Variants in MTARC2 observed in about 807,000 individuals in gnomAD.
MTARC2 encodes MOCO sulphurase C-terminal domain containing 2.
Under a neutral mutation model 35.6 loss-of-function variants are expected in MTARC2, and 27 were observed. That is an observed-to-expected ratio of 0.76 (90% CI 0.56 to 1.04). MTARC2 has a LOEUF of 1.04. Ranked by LOEUF, MTARC2 falls within the 50% of genes least tolerant of loss-of-function variation. MTARC2 has a pLI of 0.00. For synonymous variants in MTARC2, 158 were observed against 167.1 expected (o/e 0.95, Z 0.42); for missense variants, 412 against 432.5 (o/e 0.95, Z 0.42).
rs1329062724 is a variant in MTARC2 at position 220,771,125 on chromosome 1, C to T, written c.750+8075C>T. Among the ~76,000 whole-genome samples the T allele has an allele frequency of 3.3e-5, 5 of 152,006 alleles. No individual in the cohort carries two copies. The East Asian group carries it at 7.7e-4, about 24-fold the overall frequency. On this transcript the variant is annotated intron_variant, in intron 4 of 7. Transcript: ENST00000366913. The stretch of plus-strand genomic sequence containing the variant: ...ACCAGCCTGACCACTATGGTGAAAC[C>T]CCATCTCTATTAAAAATACGAAAAT...
At chr1:220,753,945 G>A (rs1671205917) in intron 1 of MTARC2, among the ~76,000 whole-genome samples, 1 of 152,110 alleles carries the variant, frequency 6.6e-6, no homozygotes, top group Non-Finnish European at 1.5e-5. Flanking sequence ...AGCTACCCGG[G>A]AGGCTAAGGC....
rs1331644355 is a variant in MTARC2, at chr1:220,784,150, AT to A, written c.*264del. 2.1e-6 allele frequency: 1 copy of A among 485,336 alleles called. No homozygotes were observed. Among genetic ancestry groups the A allele is most frequent in the African/African-American group, 2.0e-5 (1 of 51,164 alleles). The allele number at this position is 485,336 out of a possible 1,614,324, so 30.1% of individuals were successfully genotyped here. On this transcript the variant is annotated 3_prime_UTR_variant, in exon 8 of 8. Transcript: ENST00000366913. ...GAAGGCTTTAAAAATAATTAAGATC[AT>A]CAAAAATGCTATTTTGAATGTTATC...
chr1:220,780,086 A>G lies in MTARC2; in HGVS notation c.812+7A>G. Reference sequence around the variant, plus strand: ...AGGTAATGGCATGCCCCAGGTAAGGAGCCTAGCTAGACCCCAGGACTGTGG... The same window carrying G: ...AGGTAATGGCATGCCCCAGGTAAGGGGCCTAGCTAGACCCCAGGACTGTGG... On this transcript the variant is annotated splice_region_variant and intron_variant, in intron 5 of 7. Transcript: ENST00000366913. 1 of 1,563,538 alleles carries G rather than the reference A, an allele frequency of 6.4e-7. No individual in the cohort carries two copies. Among genetic ancestry groups the G allele is most frequent in the East Asian group, 2.4e-5 (1 of 41,916 alleles).
In MTARC2 at chr1:220,748,391, G is replaced by A. The variant is rs1026371891; in HGVS notation, c.-141G>A. ...TCCGCGGAACTGCTCTGCCGTCTCGGCGGTGAAAGTGTGAGAGGGTCCGTA... is the reference window on the plus strand; with the variant it reads ...TCCGCGGAACTGCTCTGCCGTCTCGACGGTGAAAGTGTGAGAGGGTCCGTA... On this transcript the variant is annotated 5_prime_UTR_variant, in exon 1 of 8. Transcript: ENST00000366913. The A allele has an allele frequency of 7.1e-6, 6 of 843,644 alleles. No homozygotes were observed. The Admixed American group carries it at 2.6e-4, about 37-fold the overall frequency. The allele number at this position is 843,644 out of a possible 1,614,324, so 52.3% of individuals were successfully genotyped here. A position where few individuals can be genotyped will look rare whatever the true frequency, so the allele number is the denominator to read the frequency against.
At chr1:220,762,617 T>C (rs1446819032) in intron 3 of MTARC2, among the ~76,000 whole-genome samples, 1 of 152,066 alleles carries the variant, frequency 6.6e-6, no homozygotes, top group East Asian at 1.9e-4. Context: ...TGTTTGAGGA[T>C]GATGGGGGAA....
At chr1:220,778,329 C>T (rs1476921501) in intron 4 of MTARC2, among the ~76,000 whole-genome samples, 2 of 151,842 alleles carry the variant, frequency 1.3e-5, no homozygotes, top group Non-Finnish European at 2.9e-5. Context: ...ATAGCGGCTT[C>T]TGCTTCTGGG....
intron 7 of MTARC2, among the ~76,000 whole-genome samples, chr1:220,783,013 T>A (rs1558078592): frequency 1.3e-5 from 2 of 152,318 alleles, no homozygotes; most frequent in East Asian, 3.9e-4. Flanking sequence ...CCATAGTGGG[T>A]ATAAAGATGA....
intron 1 of MTARC2, among the ~76,000 whole-genome samples, chr1:220,753,024 C>T (rs1458781733): frequency 7.0e-6 from 1 of 142,872 alleles, no homozygotes; most frequent in Non-Finnish European, 1.5e-5. Flanking sequence ...ACCATCCTGG[C>T]TAACACGGTG....
At chr1:220,782,657 C>G (rs1229751129) in intron 7 of MTARC2, among the ~76,000 whole-genome samples, 1 of 152,216 alleles carries the variant, frequency 6.6e-6, no homozygotes, top group Non-Finnish European at 1.5e-5. Flanking sequence ...TGATTCTGGC[C>G]TGAGCTTCTC....
intron 1 of MTARC2, among the ~76,000 whole-genome samples, chr1:220,753,425 G>A (rs1485909975): frequency 2.6e-5 from 4 of 152,124 alleles, no homozygotes; most frequent in South Asian, 2.1e-4. Context: ...GTGTGGTTGC[G>A]GGGAAGGGAC....
chr1:220,748,363 C>T lies in MTARC2; in HGVS notation c.-169C>T. On this transcript the variant is annotated 5_prime_UTR_variant, in exon 1 of 8. Transcript: ENST00000366913. ...TGGTCACCGCATTAAGGCATTCCCG[C>T]TCTCCGCGGAACTGCTCTGCCGTCT... 1 of 646,100 alleles carries T rather than the reference C, an allele frequency of 1.5e-6. No homozygotes were observed. The highest frequency in any genetic ancestry group is 2.2e-6 in the Non-Finnish European group (1 of 446,638). The allele number at this position is 646,100 out of a possible 1,614,324, so 40.0% of individuals were successfully genotyped here.
intron 2 of MTARC2, among the ~76,000 whole-genome samples, chr1:220,757,182 A>G (rs1440264538): frequency 6.6e-6 from 1 of 152,230 alleles, no homozygotes; most frequent in Non-Finnish European, 1.5e-5. Flanking sequence ...GATTGCAGGC[A>G]TGAGCCACCG....
intron 3 of MTARC2, among the ~76,000 whole-genome samples, chr1:220,762,515 G>A (rs1024567574): frequency 3.9e-5 from 6 of 152,216 alleles, no homozygotes; most frequent in African/African-American, 1.4e-4. Flanking sequence ...CTAGAACAGT[G>A]CCTGGTAGGT....
At chr1:220,769,934 C>CAAAAAAAAAAAAAAAAAAAAAAAAAAAA (rs57739324) in intron 4 of MTARC2, among the ~76,000 whole-genome samples, 2 of 63,420 alleles carry the variant, frequency 3.2e-5, no homozygotes, top group East Asian at 6.9e-4. Flanking sequence ...ACTAAAAATA[C>CAAAAAAAAAAAAAAAAAAAAAAAAAAAA]AAAAAAAAAA....
chr1:220,762,974 C>A lies in MTARC2; in HGVS notation c.674C>A (p.Thr225Asn), dbSNP rs866055510. 6.2e-7 allele frequency: 1 copy of A among 1,614,086 alleles called. No homozygotes were observed. The change falls in exon 4 of 8, where the codon ACC becomes AAC. Residue 225 changes from threonine (T) to asparagine (N), a missense_variant. Thr to Asn is a moderately conservative substitution (Grantham distance 65). Transcript: ENST00000366913. ...MTDASLVDLN[T>N]RMEKKMKMEN... ...GATGCCTCCCTGGTAGATTTGAATA[C>A]CAGGATGGAGAAGAAAATGAAAATG...
At chr1:220,775,703 C>A (rs1671884841) in intron 4 of MTARC2, among the ~76,000 whole-genome samples, 1 of 152,162 alleles carries the variant, frequency 6.6e-6, no homozygotes, top group East Asian at 1.9e-4. Context: ...AGTAGGCTCC[C>A]GTGTCTGTTG....
intron 1 of MTARC2, among the ~76,000 whole-genome samples, chr1:220,753,222 C>T (rs1197482745): frequency 2.6e-5 from 4 of 151,028 alleles, no homozygotes; most frequent in Admixed American, 1.3e-4. Context: ...AGTGAGACTC[C>T]GTCTCAGAAA....
At position 220,748,564 on chromosome 1, in the gene MTARC2, C is replaced by G. The variant is rs959092732; in HGVS notation, c.33C>G (p.Arg11=). 1.4e-6 allele frequency: 2 copies of G among 1,442,182 alleles called. No homozygotes were observed. The highest frequency in any genetic ancestry group is 1.8e-6 in the Non-Finnish European group (2 of 1,106,072). 89.3% of individuals were successfully genotyped at this position (1,442,182 alleles called of 1,614,324 possible). A position where few individuals can be genotyped will look rare whatever the true frequency, so the allele number is the denominator to read the frequency against. The change falls in exon 1 of 8, where the codon CGC becomes CGG. Residue 11 remains arginine, a synonymous_variant. Transcript: ENST00000366913. ...CTTCCAGCTCCTCCGCGCTGGCCCG[C>G]CTCGGCCTCCCAGCCCGGCCCTGGC... is the stretch of plus-strand genomic sequence containing the variant. MGASSSSALA[R]LGLPARPWPR... is the part of the protein sequence containing the mutation.
chr1:220,779,205 CATATT>C (rs1181090524), intron 4 of MTARC2, among the ~76,000 whole-genome samples: 3 of 152,188 alleles, frequency 2.0e-5, no homozygotes, highest in Middle Eastern at 3.4e-3. Flanking sequence ...AAAAACAAAT[CATATT>C]ATATATATAA....
Sources: allele counts gnomAD v4.1 joint callset (sites outside exome capture counted in the v4.1 genomes callset), GRCh38; gene constraint gnomAD v4.1.1; transcripts MANE v1.5; gene names NCBI Gene and HGNC (gene_info 2026-07-23, HGNC 2026-07-21).